Variants in OPCML observed in about 807,000 individuals in gnomAD.
OPCML encodes opioid-binding protein/cell adhesion molecule.
In OPCML, 13 loss-of-function variants were observed where a neutral mutation model predicts 37.8. The observed-to-expected ratio is 0.34, with a 90% CI of 0.22 to 0.55. The LOEUF (loss-of-function observed/expected upper bound fraction) is 0.55, where lower values mean the gene tolerates loss of function less well. Ranked by LOEUF, OPCML falls within the 20% of genes least tolerant of loss-of-function variation. OPCML has a pLI of 0.91. For missense variants in OPCML, 341 were observed against 435.6 expected (o/e 0.78, Z 1.93); for synonymous variants, 176 against 168.8 (o/e 1.04, Z -0.33).
chr11:132,649,355 C>T (rs990659127), intron 3 of OPCML, among the ~76,000 whole-genome samples: 6 of 152,152 alleles, frequency 3.9e-5, no homozygotes, highest in South Asian at 2.1e-4. Flanking sequence ...ATCTAGGAGA[C>T]GCGTGAAGGT....
chr11:132,934,207 G>C (rs759068095), intron 2 of OPCML, among the ~76,000 whole-genome samples: 1 of 152,152 alleles, frequency 6.6e-6, no homozygotes, highest in African/African-American at 2.4e-5. Context: ...GGAACCACTA[G>C]GCCAGTCAGA....
At chr11:133,018,727 C>A (rs1390687107) in intron 1 of OPCML, among the ~76,000 whole-genome samples, 1 of 152,208 alleles carries the variant, frequency 6.6e-6, no homozygotes, top group African/African-American at 2.4e-5. Context: ...CTTCCTGATC[C>A]CAGAGGGCAA....
intron 1 of OPCML, chr11:133,360,077 A>T (rs1371275280): frequency 6.6e-6 from 1 of 152,258 alleles, no homozygotes; most frequent in Non-Finnish European, 1.5e-5. Context: ...AGTTTATTGA[A>T]CATTGACAAT....
chr11:133,109,432 C>T (rs1193338752), intron 1 of OPCML, among the ~76,000 whole-genome samples: 1 of 152,022 alleles, frequency 6.6e-6, no homozygotes, highest in African/African-American at 2.4e-5. Flanking sequence ...TTTTTTCAAT[C>T]CTCCCTGCGA....
intron 2 of OPCML, among the ~76,000 whole-genome samples, chr11:132,724,160 C>G (rs937549593): frequency 2.6e-5 from 4 of 152,128 alleles, no homozygotes; most frequent in African/African-American, 9.7e-5. Flanking sequence ...AGGAATGGGA[C>G]AGAACCCACC....
chr11:133,125,904 A>G (rs1312220954), intron 1 of OPCML, among the ~76,000 whole-genome samples: 4 of 146,736 alleles, frequency 2.7e-5, no homozygotes, highest in African/African-American at 1.0e-4. Context: ...ACACATGTAT[A>G]TATAGACACA....
chr11:133,276,591 T>G (rs1054245516), intron 1 of OPCML, among the ~76,000 whole-genome samples: 4 of 152,236 alleles, frequency 2.6e-5, no homozygotes, highest in Non-Finnish European at 5.9e-5. Flanking sequence ...CCTTGGCAGC[T>G]CTGACATGCT....
intron 1 of OPCML, among the ~76,000 whole-genome samples, chr11:133,349,077 T>C (rs1270180051): frequency 2.0e-5 from 3 of 152,238 alleles, no homozygotes; most frequent in African/African-American, 7.2e-5. Flanking sequence ...TACTTCATAC[T>C]GGCTGTATGT....
At chr11:132,425,454 C>T (rs937893338) in intron 7 of OPCML, among the ~76,000 whole-genome samples, 2 of 152,122 alleles carry the variant, frequency 1.3e-5, no homozygotes, top group East Asian at 1.9e-4. Context: ...ACAAGACCGC[C>T]GACTACTCTG....
intron 2 of OPCML, among the ~76,000 whole-genome samples, chr11:132,690,431 G>C (rs548433975): frequency 6.6e-6 from 1 of 152,304 alleles, no homozygotes; most frequent in East Asian, 1.9e-4. Context: ...AGACCACAAT[G>C]CATTATCATC....
At chr11:132,768,588 C>A (rs180763192) in intron 2 of OPCML, among the ~76,000 whole-genome samples, 21 of 152,274 alleles carry the variant, frequency 1.4e-4, no homozygotes, top group Non-Finnish European at 2.5e-4. Context: ...ACAAACCATT[C>A]GGTCTCCGAA....
chr11:132,435,934 G>T (rs1309420769), intron 7 of OPCML, 152 bp downstream of exon 7: 1 of 678,984 alleles, frequency 1.5e-6, no homozygotes, highest in African/African-American at 1.8e-5. Context: ...GCATGCTAGG[G>T]GAATGGCAGG....
intron 1 of OPCML, among the ~76,000 whole-genome samples, chr11:133,046,133 C>A (rs1948009841): frequency 6.6e-6 from 1 of 152,176 alleles, no homozygotes; most frequent in Non-Finnish European, 1.5e-5. Context: ...AGAACCTGTA[C>A]ACCCTTTAGT....
At chr11:133,150,997 A>G (rs960439377) in intron 1 of OPCML, among the ~76,000 whole-genome samples, 4 of 152,002 alleles carry the variant, frequency 2.6e-5, no homozygotes, top group African/African-American at 9.7e-5. Flanking sequence ...TTCGTCGGCC[A>G]GGTGCGGTGG....
chr11:133,369,703 C>T (rs1294784978), intron 1 of OPCML, among the ~76,000 whole-genome samples: 1 of 152,120 alleles, frequency 6.6e-6, no homozygotes, highest in Non-Finnish European at 1.5e-5. Context: ...TCACCATACA[C>T]ACACACATAC....
chr11:132,445,464 A>G (rs1284475207), intron 4 of OPCML, among the ~76,000 whole-genome samples: 1 of 152,174 alleles, frequency 6.6e-6, no homozygotes, highest in Non-Finnish European at 1.5e-5. Context: ...GTTAAAGAGG[A>G]GAGGACCTAA....
At chr11:132,917,936 G>T (rs1351827566) in intron 2 of OPCML, among the ~76,000 whole-genome samples, 1 of 152,110 alleles carries the variant, frequency 6.6e-6, no homozygotes, top group Non-Finnish European at 1.5e-5. Flanking sequence ...TTAATCTATG[G>T]TGCTCCATGA....
At chr11:132,778,979 T>C (rs1946902199) in intron 2 of OPCML, among the ~76,000 whole-genome samples, 1 of 146,118 alleles carries the variant, frequency 6.8e-6, no homozygotes, top group African/African-American at 2.5e-5. Context: ...TTTTTTTTTT[T>C]TTTTTGGAGA....
chr11:132,473,602 A>G (rs949598196), intron 4 of OPCML, among the ~76,000 whole-genome samples: 1 of 152,116 alleles, frequency 6.6e-6, no homozygotes, highest in African/African-American at 2.4e-5. Flanking sequence ...GAGGTGGGAA[A>G]ATCACTTAAG....
Sources: gnomAD v4.1 joint callset for allele counts (sites outside exome capture counted in the v4.1 genomes callset) on GRCh38, gnomAD v4.1.1 for gene constraint, MANE v1.5 for transcripts, NCBI Gene and HGNC (gene_info 2026-07-23, HGNC 2026-07-21) for gene names.